The following SBF2 variants were observed in gnomAD, a reference collection of about 807,000 sequenced individuals.
SBF2 encodes the protein SET binding factor 2, also known as myotubularin-related protein 13.
Under a neutral mutation model 225.2 loss-of-function variants are expected in SBF2, and 112 were observed. The observed-to-expected ratio is 0.50, with a 90% CI of 0.43 to 0.58. The LOEUF (loss-of-function observed/expected upper bound fraction) is 0.58, where lower values mean the gene tolerates loss of function less well. Ranked by LOEUF, SBF2 falls within the 20% of genes least tolerant of loss-of-function variation. The pLI is 0.00. For synonymous variants in SBF2, 763 were observed against 773.3 expected (o/e 0.99, Z 0.22); for missense variants, 1,996 against 2,206.2 (o/e 0.90, Z 1.91).
At chr11:9,904,461 C>T (rs539142347) in intron 16 of SBF2, among the ~76,000 whole-genome samples, 29 of 152,160 alleles carry the variant, frequency 1.9e-4, no homozygotes, top group African/African-American at 7.0e-4. Flanking sequence ...AAAGCAAAAA[C>T]TGACAGATGT....
At chr11:10,212,225 G>A (rs930450436) in intron 1 of SBF2, among the ~76,000 whole-genome samples, 2 of 152,112 alleles carry the variant, frequency 1.3e-5, no homozygotes, top group Non-Finnish European at 2.9e-5. Flanking sequence ...ATACAACCAC[G>A]GTACGAATTC....
At chr11:10,147,911 T>C (rs1954964457) in intron 2 of SBF2, among the ~76,000 whole-genome samples, 2 of 152,176 alleles carry the variant, frequency 1.3e-5, no homozygotes, top group Non-Finnish European at 2.9e-5. Context: ...AAGTTACTTA[T>C]AAATGTTCTC....
At chr11:10,294,262 C>T, upstream of SBF2, 1 of 400,050 alleles carries the variant, frequency 2.5e-6, no homozygotes, top group Non-Finnish European at 4.2e-6. Context: ...CCCGCCCCCA[C>T]CCGCGCTGGC....
At chr11:9,859,968 A>C (rs552934918) in intron 17 of SBF2, among the ~76,000 whole-genome samples, 5 of 152,306 alleles carry the variant, frequency 3.3e-5, no homozygotes, top group African/African-American at 1.2e-4. Flanking sequence ...GCTATGAAGC[A>C]AAAATCAGGA....
At chr11:10,267,939 T>G (rs1416704213) in intron 1 of SBF2, among the ~76,000 whole-genome samples, 1 of 152,242 alleles carries the variant, frequency 6.6e-6, no homozygotes, top group Non-Finnish European at 1.5e-5. Context: ...AAAATGACTT[T>G]TATTAACTCC....
intron 2 of SBF2, among the ~76,000 whole-genome samples, chr11:10,137,773 G>T (rs138572002): frequency 1.3e-5 from 2 of 152,072 alleles, no homozygotes; most frequent in African/African-American, 4.8e-5. Context: ...TTGGGAGGCC[G>T]AGGTGGGTGG....
chr11:10,211,511 G>A (rs1333162370), intron 1 of SBF2, among the ~76,000 whole-genome samples: 2 of 152,136 alleles, frequency 1.3e-5, no homozygotes, highest in African/African-American at 4.8e-5. Flanking sequence ...AAGGTGTCAG[G>A]TCCTCCAATT....
intron 16 of SBF2, among the ~76,000 whole-genome samples, chr11:9,954,285 C>A (rs189134614): frequency 6.6e-6 from 1 of 152,250 alleles, no homozygotes; most frequent in African/African-American, 2.4e-5. Context: ...AAAATTAGTT[C>A]ATTTAGTTAA....
At chr11:10,052,419 G>A (rs370642115) in intron 2 of SBF2, among the ~76,000 whole-genome samples, 8 of 152,072 alleles carry the variant, frequency 5.3e-5, no homozygotes, top group Admixed American at 3.3e-4. Context: ...TGTTAACAAC[G>A]TATCTGGGAA....
At chr11:10,001,275 A>G (rs774851056) in intron 7 of SBF2, among the ~76,000 whole-genome samples, 1 of 152,182 alleles carries the variant, frequency 6.6e-6, no homozygotes, top group Non-Finnish European at 1.5e-5. Context: ...CTAGGCAAGC[A>G]GTCTCTTTAG....
chr11:10,232,111 T>C (rs1958877608), intron 1 of SBF2, among the ~76,000 whole-genome samples: 1 of 152,204 alleles, frequency 6.6e-6, no homozygotes. Flanking sequence ...CCGAGCCAGG[T>C]GCGGGATATA....
intron 16 of SBF2, chr11:9,959,306 C>G (rs1866403385): frequency 1.3e-6 from 1 of 775,382 alleles, no homozygotes; most frequent in Non-Finnish European, 2.4e-6. Flanking sequence ...TAGGTTTTGT[C>G]TGCTCACATA....
chr11:10,230,720 C>A (rs533606968), intron 1 of SBF2, among the ~76,000 whole-genome samples: 1 of 152,142 alleles, frequency 6.6e-6, no homozygotes. Context: ...GTAACCCGAC[C>A]TTTCTCTCTG....
At chr11:10,096,396 T>G (rs1952025042) in intron 2 of SBF2, among the ~76,000 whole-genome samples, 1 of 149,622 alleles carries the variant, frequency 6.7e-6, no homozygotes, top group Non-Finnish European at 1.5e-5. Context: ...ACTACTCAAT[T>G]TGATTAGCCT....
At chr11:10,301,839 G>A (rs184727037) in intron 1 of SBF2, among the ~76,000 whole-genome samples, 2 of 152,166 alleles carry the variant, frequency 1.3e-5, no homozygotes, top group Non-Finnish European at 1.5e-5. Flanking sequence ...ACACCATTAC[G>A]CAAAAACCCT....
At chr11:10,230,006 G>A (rs4910106) in intron 1 of SBF2, among the ~76,000 whole-genome samples, 32,180 of 151,958 alleles carry the variant, frequency 0.21, 4,132 homozygotes, top group Non-Finnish European at 0.3. Flanking sequence ...CCTGTATTGG[G>A]TGCATATATA....
chr11:9,855,768 T>G (rs780444923), intron 19 of SBF2, among the ~76,000 whole-genome samples: 22 of 152,200 alleles, frequency 1.4e-4, no homozygotes, highest in Non-Finnish European at 2.5e-4. Context: ...CAGGAGGGCT[T>G]CTTGAGGCAA....
At chr11:10,043,019 C>CTAT in intron 2 of SBF2, 38 bp from the exon 3 acceptor site, 1 of 1,583,078 alleles carries the variant, frequency 6.3e-7, no homozygotes, top group Non-Finnish European at 8.6e-7. Context: ...CATTTAAAAA[C>CTAT]AATAAAAGTT....
At chr11:9,915,665 A>G (rs1863023145) in intron 16 of SBF2, 1 of 152,166 alleles carries the variant, frequency 6.6e-6, no homozygotes, top group Non-Finnish European at 1.5e-5. Context: ...TGAATTATAA[A>G]TCTGTCATAT....
Sources: gnomAD v4.1 joint callset for allele counts (sites outside exome capture counted in the v4.1 genomes callset) on GRCh38, gnomAD v4.1.1 for gene constraint, MANE v1.5 for transcripts, NCBI Gene and HGNC (gene_info 2026-07-23, HGNC 2026-07-21) for gene names.